CTNNA2: variants seen among roughly 807,000 people sequenced by gnomAD.
The protein encoded by CTNNA2 is catenin alpha-2.
In CTNNA2, 42 loss-of-function variants were observed where a neutral mutation model predicts 101.0. The ratio of observed to expected loss-of-function variants is 0.42; its 90% confidence interval spans 0.32 to 0.54. CTNNA2 has a LOEUF of 0.54. Ranked by LOEUF, CTNNA2 falls within the 20% of genes least tolerant of loss-of-function variation. CTNNA2 has a pLI of 0.14. For synonymous variants in CTNNA2, 450 were observed against 456.4 expected (o/e 0.99, Z 0.18); for missense variants, 871 against 1,223.1 (o/e 0.71, Z 4.29).
chr2:79,238,721 C>G (rs1674587684), intron 2 of CTNNA2, among the ~76,000 whole-genome samples: 1 of 152,094 alleles, frequency 6.6e-6, no homozygotes, highest in Non-Finnish European at 1.5e-5. Flanking sequence ...ATTTGACTTA[C>G]CATTAATGTA....
At chr2:80,545,322 GGATT>G (rs1691947621) in intron 10 of CTNNA2, among the ~76,000 whole-genome samples, 1 of 152,154 alleles carries the variant, frequency 6.6e-6, no homozygotes, top group Admixed American at 6.5e-5. Flanking sequence ...TGAAGTGGGA[GGATT>G]GATTGAGGCC....
rs745448568 is a variant in CTNNA2, at chr2:80,303,326, G to A, written c.1057-89885G>A. The stretch of plus-strand genomic sequence containing the variant: ...GATGGCGTTGGCCCGCATATGCAGC[G>A]TGGTGAGCTTCCGCAGCCCGTGGAA... On this transcript the variant is annotated intron_variant, in intron 7 of 18. Transcript: ENST00000402739. This position sits in a 1 kb window ranked among gnomAD's most constrained non-coding sequence, Gnocchi z 7.7. 1.2e-6 allele frequency: 2 copies of A among 1,613,890 alleles called. No homozygotes were observed. Among genetic ancestry groups the A allele is most frequent in the Non-Finnish European group, 1.7e-6 (2 of 1,180,036 alleles).
chr2:79,965,827 C>CACAAAAA (rs1690003797), intron 7 of CTNNA2, among the ~76,000 whole-genome samples: 1 of 77,996 alleles, frequency 1.3e-5, no homozygotes, highest in Non-Finnish European at 2.4e-5. Context: ...GAGACTATGT[C>CACAAAAA]AAAAAAAAAA....
intron 7 of CTNNA2, among the ~76,000 whole-genome samples, chr2:80,336,514 T>C (rs905245328): frequency 6.6e-6 from 1 of 152,266 alleles, no homozygotes; most frequent in East Asian, 1.9e-4. Context: ...CTTCACCTTA[T>C]GCAGATTATT....
chr2:79,438,370 C>G (rs1266712311), intron 4 of CTNNA2, among the ~76,000 whole-genome samples: 1 of 152,154 alleles, frequency 6.6e-6, no homozygotes, highest in Non-Finnish European at 1.5e-5. Context: ...GGTAATCTAG[C>G]CATCCCAGTT....
At chr2:80,011,284 T>C (rs1001015442) in intron 7 of CTNNA2, among the ~76,000 whole-genome samples, 2 of 152,216 alleles carry the variant, frequency 1.3e-5, no homozygotes, top group African/African-American at 2.4e-5. Context: ...TTGTAAAATT[T>C]TGTGGCTATG....
intron 3 of CTNNA2, among the ~76,000 whole-genome samples, chr2:79,798,754 C>T (rs978450610): frequency 9.2e-5 from 14 of 152,008 alleles, no homozygotes; most frequent in African/African-American, 3.4e-4. Flanking sequence ...AAAGCATTGG[C>T]ACAAATTTCT....
intron 18 of CTNNA2, among the ~76,000 whole-genome samples, chr2:80,633,742 T>C (rs770452070): frequency 5.9e-5 from 9 of 152,296 alleles, no homozygotes; most frequent in African/African-American, 2.2e-4. Flanking sequence ...GTACATGTTA[T>C]GAAGATTAAT....
chr2:79,338,499 A>G (rs998551511), intron 3 of CTNNA2, among the ~76,000 whole-genome samples: 1 of 152,128 alleles, frequency 6.6e-6, no homozygotes, highest in Non-Finnish European at 1.5e-5. Flanking sequence ...AGGTAGTGAA[A>G]AAGCCATGTC....
At chr2:79,985,369 T>A (rs1238334054) in intron 7 of CTNNA2, among the ~76,000 whole-genome samples, 1 of 152,186 alleles carries the variant, frequency 6.6e-6, no homozygotes, top group East Asian at 1.9e-4. Flanking sequence ...TCACAGCCTT[T>A]CAGCATTGCT....
intron 4 of CTNNA2, among the ~76,000 whole-genome samples, chr2:79,492,701 G>C (rs1257072453): frequency 6.6e-6 from 1 of 152,006 alleles, no homozygotes; most frequent in African/African-American, 2.4e-5. Context: ...AAAAATTAAA[G>C]AAGAAAACAA....
chr2:80,334,693 G>A (rs1325714188), intron 7 of CTNNA2, among the ~76,000 whole-genome samples: 2 of 152,094 alleles, frequency 1.3e-5, no homozygotes, highest in South Asian at 2.1e-4. Context: ...GACTTCAGAG[G>A]GTGAGTGAAA....
At chr2:80,030,191 C>T (rs906510036) in intron 7 of CTNNA2, among the ~76,000 whole-genome samples, 21 of 149,468 alleles carry the variant, frequency 1.4e-4, no homozygotes, top group Non-Finnish European at 2.1e-4. Flanking sequence ...TGCTGTTTTT[C>T]ATCCAAACAC....
chr2:79,360,260 T>C (rs1432088564), intron 3 of CTNNA2, among the ~76,000 whole-genome samples: 4 of 152,156 alleles, frequency 2.6e-5, no homozygotes, highest in Non-Finnish European at 5.9e-5. Context: ...TTGTAATTAG[T>C]AACAGATTCA....
chr2:79,490,514 G>A lies in CTNNA2; in HGVS notation c.-134-14540G>A, dbSNP rs1160575438. ...CTATATATGTAGTATTTTGAGATTT[G>A]GATTATTTCCCTCTCACTCCCAGTA... On this transcript the variant is annotated intron_variant, in intron 4 of 21. Coordinates refer to the CTNNA2 transcript ENST00000466387. Among the ~76,000 whole-genome samples, 5 of 152,028 alleles carry A rather than the reference G, an allele frequency of 3.3e-5. No homozygotes were observed. The East Asian group carries it at 7.7e-4, about 23-fold the overall frequency.
chr2:80,083,301 A>T (rs1558791613), intron 7 of CTNNA2, among the ~76,000 whole-genome samples: 2 of 152,164 alleles, frequency 1.3e-5, no homozygotes, highest in African/African-American at 4.8e-5. Context: ...GCCAGAATGG[A>T]TCTAGACTGA....
At chr2:79,198,752 A>G (rs968573568) in intron 2 of CTNNA2, among the ~76,000 whole-genome samples, 1 of 132,338 alleles carries the variant, frequency 7.6e-6, no homozygotes, top group African/African-American at 2.8e-5. Flanking sequence ...GAGAATAAAA[A>G]TAAACAAGCA....
At chr2:79,756,589 C>G (rs1573888076) in intron 3 of CTNNA2, among the ~76,000 whole-genome samples, 2 of 152,170 alleles carry the variant, frequency 1.3e-5, no homozygotes, top group East Asian at 3.9e-4. Flanking sequence ...CATATTAAAA[C>G]TAGAAACTTT....
chr2:80,063,132 C>T (rs1697724417), intron 7 of CTNNA2, among the ~76,000 whole-genome samples: 1 of 152,176 alleles, frequency 6.6e-6, no homozygotes, highest in African/African-American at 2.4e-5. Context: ...GATGCCTACA[C>T]ATCCTTCCTT....
Sources: gnomAD v4.1 joint callset for allele counts (sites outside exome capture counted in the v4.1 genomes callset) on GRCh38, gnomAD v4.1.1 for gene constraint, Gnocchi (gnomAD v3.1) non-coding constraint, MANE v1.5 for transcripts, NCBI Gene and HGNC (gene_info 2026-07-23, HGNC 2026-07-21) for gene names.